BMPR2: variants seen among roughly 807,000 people sequenced by gnomAD.
The protein encoded by BMPR2 is bone morphogenetic protein receptor type 2, also known as bone morphogenetic protein receptor type-2.
A neutral mutation model predicts 100.8 loss-of-function variants in BMPR2; 29 were observed. The observed-to-expected ratio is 0.29, with a 90% confidence interval of 0.21 to 0.39. The LOEUF (loss-of-function observed/expected upper bound fraction) is 0.39, where lower values mean the gene tolerates loss of function less well. BMPR2 is among the 10% of genes least tolerant of loss of function. BMPR2 has a pLI of 1.00. For missense variants in BMPR2, 1,011 were observed against 1,274.5 expected, an observed-to-expected ratio of 0.79 and a Z score of 3.15; for synonymous variants, 382 against 442.3, an observed-to-expected ratio of 0.86 and a Z score of 1.71.
At chr2:202,508,240 G>A (rs1043413764) in intron 3 of BMPR2, among the ~76,000 whole-genome samples, 10 of 151,588 alleles carry the variant, frequency 6.6e-5, no homozygotes, top group African/African-American at 1.5e-4. Flanking sequence ...TTACAGGCAC[G>A]CACCACCACA....
chr2:202,480,695 T>C (rs543133195), intron 3 of BMPR2, among the ~76,000 whole-genome samples: 3 of 151,968 alleles, frequency 2.0e-5, no homozygotes, highest in Non-Finnish European at 2.9e-5. Context: ...GGCTCATGCC[T>C]GTAATCCCAG....
chr2:202,549,423 A>C (rs892571677), intron 10 of BMPR2, among the ~76,000 whole-genome samples: 2 of 152,178 alleles, frequency 1.3e-5, no homozygotes, highest in Non-Finnish European at 2.9e-5. Context: ...GTCTTTGTAT[A>C]AACATATGGT....
chr2:202,382,058 G>GTTTTTTTTTTTTTTTTTTTTT (rs1216592236), intron 1 of BMPR2, among the ~76,000 whole-genome samples: 1 of 113,648 alleles, frequency 8.8e-6, no homozygotes, highest in Non-Finnish European at 1.9e-5. Flanking sequence ...TTTTGTTTTT[G>GTTTTTTTTTTTTTTTTTTTTT]TTTTTTTTTT....
chr2:202,415,756 C>T (rs1691114318), intron 1 of BMPR2, among the ~76,000 whole-genome samples: 1 of 152,140 alleles, frequency 6.6e-6, no homozygotes, highest in Non-Finnish European at 1.5e-5. Flanking sequence ...AGAACTACTG[C>T]TCAGAAAAAA....
chr2:202,492,666 C>A (rs1692926958), intron 3 of BMPR2, among the ~76,000 whole-genome samples: 1 of 130,698 alleles, frequency 7.7e-6, no homozygotes, highest in Non-Finnish European at 1.6e-5. Context: ...CGCCATTGCA[C>A]TCTAGCCTGG....
intron 12 of BMPR2, among the ~76,000 whole-genome samples, chr2:202,559,286 A>G (rs1214120184): frequency 6.6e-6 from 1 of 150,818 alleles, no homozygotes; most frequent in Admixed American, 6.6e-5. Flanking sequence ...TGGGCTACAG[A>G]GTGAGACTCC....
chr2:202,543,968 C>G (rs900710519), intron 10 of BMPR2, among the ~76,000 whole-genome samples: 1 of 151,984 alleles, frequency 6.6e-6, no homozygotes, highest in Non-Finnish European at 1.5e-5. Context: ...ATGATCACAC[C>G]ACTGCCCTCC....
At chr2:202,456,182 G>GT (rs1227636886) in intron 1 of BMPR2, among the ~76,000 whole-genome samples, 2 of 124,196 alleles carry the variant, frequency 1.6e-5, no homozygotes, top group South Asian at 5.1e-4. Flanking sequence ...GTTTGTTTTT[G>GT]TTTTTTTGAG....
chr2:202,552,564 C>T (rs1220731619), intron 10 of BMPR2, 152 bp from the exon 11 acceptor site: 6 of 749,956 alleles, frequency 8.0e-6, no homozygotes, highest in East Asian at 5.4e-5. Context: ...GAGCATGTTC[C>T]GTAATCCTTG....
chr2:202,422,228 C>T (rs1341688810), intron 1 of BMPR2, among the ~76,000 whole-genome samples: 1 of 151,706 alleles, frequency 6.6e-6, no homozygotes, highest in Non-Finnish European at 1.5e-5. Context: ...CTTTAGTAAG[C>T]AGAAAACACT....
chr2:202,425,108 GC>G (rs1691360009), intron 1 of BMPR2, among the ~76,000 whole-genome samples: 1 of 151,992 alleles, frequency 6.6e-6, no homozygotes, highest in South Asian at 2.1e-4. Context: ...ACAGGCACAT[GC>G]CACCATATTG....
At chr2:202,419,841 A>G (rs2105922956) in intron 1 of BMPR2, among the ~76,000 whole-genome samples, 1 of 152,280 alleles carries the variant, frequency 6.6e-6, no homozygotes, top group East Asian at 1.9e-4. Context: ...GAGAAATTAG[A>G]AAAAAGGTTA....
intron 4 of BMPR2, 30 bp from the exon 5 acceptor site, chr2:202,514,858 A>T: frequency 6.5e-7 from 1 of 1,541,368 alleles, no homozygotes; most frequent in Non-Finnish European, 9.0e-7. Flanking sequence ...AGAAAACCAT[A>T]TATTAGTAAC....
At chr2:202,535,328 CG>C (rs1248611775) in intron 9 of BMPR2, among the ~76,000 whole-genome samples, 2 of 148,650 alleles carry the variant, frequency 1.3e-5, no homozygotes, top group African/African-American at 5.0e-5. Flanking sequence ...ACTTCTCAGA[CG>C]GGGCGGTTGC....
intron 3 of BMPR2, among the ~76,000 whole-genome samples, chr2:202,502,419 CACAG>C (rs1182668561): frequency 6.6e-6 from 1 of 151,706 alleles, no homozygotes; most frequent in Non-Finnish European, 1.5e-5. Flanking sequence ...GAGGAACAGA[CACAG>C]AAAGAGAGTT....
At chr2:202,389,667 T>G (rs1227681383) in intron 1 of BMPR2, among the ~76,000 whole-genome samples, 2 of 151,494 alleles carry the variant, frequency 1.3e-5, no homozygotes, top group Non-Finnish European at 2.9e-5. Context: ...TTTTTGAGAC[T>G]GAGTTTTGCT....
At chr2:202,556,895 G>A (rs1457444518) in intron 12 of BMPR2, among the ~76,000 whole-genome samples, 1 of 151,452 alleles carries the variant, frequency 6.6e-6, no homozygotes, top group African/African-American at 2.4e-5. Context: ...GACCAGCCTG[G>A]CCAACATGGT....
intron 1 of BMPR2, among the ~76,000 whole-genome samples, chr2:202,418,008 G>A (rs1327428000): frequency 3.3e-5 from 5 of 152,080 alleles, no homozygotes; most frequent in South Asian, 2.1e-4. Context: ...GTGAGCCACC[G>A]TGCCTGGCCC....
intron 7 of BMPR2, among the ~76,000 whole-genome samples, chr2:202,529,166 T>C (rs1687970050): frequency 1.3e-5 from 2 of 152,234 alleles, no homozygotes; most frequent in African/African-American, 2.4e-5. Context: ...TAGTCTTTCA[T>C]GTCCTTGGGA....
Sources: gnomAD v4.1 joint callset for allele counts (sites outside exome capture counted in the v4.1 genomes callset) on GRCh38, gnomAD v4.1.1 for gene constraint, MANE v1.5 for transcripts, NCBI Gene and HGNC (gene_info 2026-07-23, HGNC 2026-07-21) for gene names.